The following TASOR variants were observed in gnomAD, a reference collection of about 807,000 sequenced individuals.
TASOR encodes protein TASOR.
TASOR carries 53 observed loss-of-function variants against 178.6 expected under a neutral mutation model. That is an observed-to-expected ratio of 0.30 (90% CI 0.24 to 0.37). The LOEUF (loss-of-function observed/expected upper bound fraction) is 0.37, where lower values mean the gene tolerates loss of function less well. Among genes scored for constraint, TASOR ranks in the 10% least tolerant of loss-of-function variants. TASOR has a pLI of 1.00. For missense variants in TASOR, 1,815 were observed against 1,971.4 expected (o/e 0.92, Z 1.50); for synonymous variants, 713 against 696.2 (o/e 1.02, Z -0.38).
chr3:56,682,117 G>C (rs889430148), intron 1 of TASOR, among the ~76,000 whole-genome samples: 1 of 152,224 alleles, frequency 6.6e-6, no homozygotes, highest in African/African-American at 2.4e-5. Context: ...TGGAAATGAA[G>C]TGTGATGGAA....
intron 4 of TASOR, 60 bp from the exon 5 acceptor site, chr3:56,669,851 A>C: frequency 8.1e-7 from 1 of 1,229,662 alleles, no homozygotes; most frequent in Non-Finnish European, 1.1e-6. Context: ...CTAGGACTAA[A>C]ATAAGACATT....
chr3:56,635,202 G>A (rs1325822986), intron 17 of TASOR, among the ~76,000 whole-genome samples: 1 of 152,182 alleles, frequency 6.6e-6, no homozygotes, highest in Non-Finnish European at 1.5e-5. Context: ...TCATGAACCA[G>A]TACACTCATT....
At chr3:56,629,969 A>T (rs1251052921) in intron 18 of TASOR, among the ~76,000 whole-genome samples, 3 of 145,838 alleles carry the variant, frequency 2.1e-5, no homozygotes, top group East Asian at 2.0e-4. Flanking sequence ...CCTGCTGGTA[A>T]TTTTTTTTTT....
intron 1 of TASOR, among the ~76,000 whole-genome samples, chr3:56,675,646 C>T (rs999722705): frequency 2.0e-5 from 3 of 152,166 alleles, no homozygotes; most frequent in Non-Finnish European, 4.4e-5. Context: ...CCACTTTTCA[C>T]TGTAGAGAGA....
chr3:56,650,713 G>A (rs1437153265), intron 11 of TASOR, among the ~76,000 whole-genome samples: 8 of 152,072 alleles, frequency 5.3e-5, no homozygotes, highest in Non-Finnish European at 1.2e-4. Flanking sequence ...CAGGGCCAAG[G>A]TTAAAAATCC....
chr3:56,679,850 A>G (rs1174942123), intron 1 of TASOR, among the ~76,000 whole-genome samples: 1 of 152,218 alleles, frequency 6.6e-6, no homozygotes, highest in African/African-American at 2.4e-5. Context: ...TAAATTCTAT[A>G]ATTTGGTTAA....
intron 19 of TASOR, 152 bp from the exon 20 acceptor site, chr3:56,627,893 C>G: frequency 1.5e-6 from 1 of 663,946 alleles, no homozygotes; most frequent in Non-Finnish European, 2.5e-6. Context: ...ATAATATTCC[C>G]AACATTATTT....
intron 18 of TASOR, among the ~76,000 whole-genome samples, chr3:56,630,734 A>G: frequency 6.6e-6 from 1 of 152,060 alleles, no homozygotes; most frequent in East Asian, 1.9e-4. Flanking sequence ...AATCCCAGCT[A>G]TTTGGGAGGA....
In TASOR at chr3:56,682,853, T is replaced by A. The variant is rs899537863; in HGVS notation, c.154A>T (p.Ser52Cys). The change falls in exon 1 of 24, where the codon AGC becomes TGC. Residue 52 changes from serine to cysteine, a missense_variant. By Grantham distance (112) the Ser-to-Cys change is moderately radical. Transcript: ENST00000683822. The part of the protein sequence containing the change: ...GGGGLNIAEP[S>C]GGAGREENAG... Reference sequence around the variant, plus strand: ...TTCTCCTCACGCCCAGCGCCGCCGCTGGGCTCAGCGATGTTGAGGCCGCCG... The same window carrying A: ...TTCTCCTCACGCCCAGCGCCGCCGCAGGGCTCAGCGATGTTGAGGCCGCCG... 2.0e-5 allele frequency: 31 copies of A among 1,550,080 alleles called. No individual in the cohort carries two copies. The African/African-American group carries it at 4.0e-4, about 20-fold the overall frequency.
chr3:56,645,065 G>A (rs891848223), intron 14 of TASOR, among the ~76,000 whole-genome samples: 1 of 152,202 alleles, frequency 6.6e-6, no homozygotes, highest in East Asian at 1.9e-4. Flanking sequence ...CTTGAGGTCA[G>A]GAGTTCAAGA....
chr3:56,682,077 C>T (rs1404872331), intron 1 of TASOR, among the ~76,000 whole-genome samples: 6 of 152,134 alleles, frequency 3.9e-5, no homozygotes, highest in African/African-American at 1.4e-4. Flanking sequence ...TTTAATCTAA[C>T]GCTTCAAAAA....
At chr3:56,675,898 A>G (rs1053956011) in intron 1 of TASOR, among the ~76,000 whole-genome samples, 2 of 152,262 alleles carry the variant, frequency 1.3e-5, no homozygotes, top group Admixed American at 6.5e-5. Context: ...AAGCATGTAT[A>G]TATTACATAA....
At position 56,633,863 on chromosome 3, in the gene TASOR, A is replaced by T. The variant is rs1192995109; in HGVS notation, c.2928T>A (p.Phe976Leu). The change falls in exon 18 of 24, where the codon TTT becomes TTA. Residue 976 changes from phenylalanine to leucine, a missense_variant. This residue lies in a region of TASOR where 655 missense variants were observed against 671.1 expected (regional missense o/e 0.98). Coordinates refer to ENST00000683822, the MANE Select transcript of TASOR (RefSeq NM_001365635.2). ...INRQRSSDYQFPSSPFTDTLK... is the reference protein window; with the variant it reads ...INRQRSSDYQLPSSPFTDTLK... Reference sequence around the variant, plus strand: ...GTGTGTCTGTAAATGGAGAGGATGGAAACTGGTAATCAGAACTTCTCTGTC... The same window carrying T: ...GTGTGTCTGTAAATGGAGAGGATGGTAACTGGTAATCAGAACTTCTCTGTC... 6.2e-7 allele frequency: 1 copy of T among 1,612,350 alleles called. No individual in the cohort carries two copies. Among genetic ancestry groups the T allele is most frequent in the African/African-American group, 1.3e-5 (1 of 74,888 alleles).
At position 56,652,647 on chromosome 3, in the gene TASOR, T is replaced by A. The variant is rs544350355; in HGVS notation, c.1369-3590A>T. On this transcript the variant is annotated intron_variant, in intron 11 of 23. Coordinates refer to ENST00000683822, the MANE Select transcript of TASOR (RefSeq NM_001365635.2). Reference sequence around the variant, plus strand: ...AATATAGGCAAAGAATACCGGAATATAATGTGCACCTCCTAGAACTCTGCC... The same window carrying A: ...AATATAGGCAAAGAATACCGGAATAAAATGTGCACCTCCTAGAACTCTGCC... Among the ~76,000 whole-genome samples, 301 of 152,142 alleles carry A rather than the reference T, an allele frequency of 2.0e-3. 12 individuals are homozygous for A. In the South Asian group the frequency reaches 0.058, roughly 29 times the overall value.
At chr3:56,625,851 T>C (rs1416315856) in intron 21 of TASOR, among the ~76,000 whole-genome samples, 3 of 152,212 alleles carry the variant, frequency 2.0e-5, no homozygotes, top group Non-Finnish European at 2.9e-5. Flanking sequence ...CTCAATCTCC[T>C]GACCTTGTGA....
intron 1 of TASOR, among the ~76,000 whole-genome samples, chr3:56,674,612 T>C (rs1324308559): frequency 6.6e-6 from 1 of 151,856 alleles, no homozygotes; most frequent in East Asian, 1.9e-4. Context: ...AATGAAAACA[T>C]GTGGGGCTTT....
chr3:56,667,548 T>C (rs1189780856), intron 6 of TASOR, among the ~76,000 whole-genome samples: 7 of 151,936 alleles, frequency 4.6e-5, no homozygotes, highest in African/African-American at 1.7e-4. Flanking sequence ...TCCCAGCTAC[T>C]TGGGAGGCTG....
chr3:56,641,626 T>C lies in TASOR; in HGVS notation c.2342A>G (p.Asn781Ser), dbSNP rs768266214. ...LFNWLSETLA[N>S]ARHSDASLTD... The stretch of plus-strand genomic sequence containing the variant: ...CAGAGATGCATCAGAATGGCGCGCA[T>C]TTGCTAGTGTTTCTGATAACCAATT... The change falls in exon 15 of 24, where the codon AAT becomes AGT. Residue 781 changes from asparagine to serine, a missense_variant. Physicochemically the swap from Asn to Ser is conservative, Grantham distance 46. This residue lies in a region of TASOR where 655 missense variants were observed against 671.1 expected (regional missense o/e 0.98). Coordinates refer to ENST00000683822, the MANE Select transcript of TASOR (RefSeq NM_001365635.2). 45 of 1,614,032 alleles carry C rather than the reference T, an allele frequency of 2.8e-5. 1 individual carries two copies. In the South Asian group the frequency reaches 3.8e-4, roughly 14 times the overall value.
chr3:56,632,308 T>C (rs1224727353), intron 18 of TASOR, among the ~76,000 whole-genome samples: 1 of 151,600 alleles, frequency 6.6e-6, no homozygotes. Context: ...CCACCTCTAC[T>C]AAAAATACAA....
Sources: gnomAD v4.1 joint callset for allele counts (sites outside exome capture counted in the v4.1 genomes callset) on GRCh38, gnomAD v4.1.1 for gene constraint, gnomAD v4.1.1 regional missense constraint, MANE v1.5 for transcripts, NCBI Gene and HGNC (gene_info 2026-07-23, HGNC 2026-07-21) for gene names.